Variants in ANKS1B observed in about 807,000 individuals in gnomAD.
The protein encoded by ANKS1B is ankyrin repeat and sterile alpha motif domain containing 1B.
ANKS1B carries 36 observed loss-of-function variants against 148.3 expected under a neutral mutation model. The observed-to-expected ratio is 0.24, with a 90% CI of 0.19 to 0.32. The LOEUF is 0.32. Ranked by LOEUF, ANKS1B falls within the 10% of genes least tolerant of loss-of-function variation. ANKS1B has a pLI of 1.00. For synonymous variants in ANKS1B, 542 were observed against 560.8 expected, an observed-to-expected ratio of 0.97 and a Z score of 0.47; for missense variants, 1,157 against 1,542.6, an observed-to-expected ratio of 0.75 and a Z score of 4.19.
At chr12:98,936,930 G>A (rs569535233) in intron 17 of ANKS1B, among the ~76,000 whole-genome samples, 3 of 152,336 alleles carry the variant, frequency 2.0e-5, no homozygotes, top group Non-Finnish European at 2.9e-5. Flanking sequence ...AATGCTGGCC[G>A]TGGCCTTAGT....
chr12:98,894,267 C>T lies in ANKS1B; in HGVS notation c.2779-62131G>A, dbSNP rs151229416. Among the ~76,000 whole-genome samples the T allele has an allele frequency of 8.9e-3, 1,356 of 152,184 alleles. 19 individuals are homozygous for T. Among genetic ancestry groups the T allele is most frequent in the African/African-American group, 0.031 (1,287 of 41,512 alleles). ...ATGGCTTTTTAATATTAAAGACAAA[C>T]GACCTTTGGAAAATATACACTGTTA... On this transcript the variant is annotated intron_variant, in intron 17 of 26. Coordinates refer to ENST00000683438, the MANE Select transcript of ANKS1B (RefSeq NM_001352186.2).
intron 8 of ANKS1B, among the ~76,000 whole-genome samples, chr12:99,749,226 C>T (rs2060879063): frequency 6.6e-6 from 1 of 152,084 alleles, no homozygotes; most frequent in African/African-American, 2.4e-5. Context: ...TCTTTGACAA[C>T]TGAGATTGGC....
chr12:99,281,662 C>T (rs2078476580), intron 12 of ANKS1B, among the ~76,000 whole-genome samples: 1 of 152,090 alleles, frequency 6.6e-6, no homozygotes. Flanking sequence ...AACTTCATGA[C>T]TGTGAAAAAA....
intron 12 of ANKS1B, among the ~76,000 whole-genome samples, chr12:99,391,426 G>A (rs577529975): frequency 3.9e-5 from 6 of 152,024 alleles, no homozygotes; most frequent in Non-Finnish European, 8.8e-5. Context: ...CTACCACAGG[G>A]ATTTTTTTAA....
intron 17 of ANKS1B, among the ~76,000 whole-genome samples, chr12:98,842,271 T>C (rs887188189): frequency 2.6e-5 from 4 of 152,156 alleles, no homozygotes; most frequent in Admixed American, 2.6e-4. Flanking sequence ...TGATACAGGC[T>C]ATAGCATCAA....
At chr12:99,693,917 A>C (rs2053511224) in intron 8 of ANKS1B, among the ~76,000 whole-genome samples, 1 of 151,004 alleles carries the variant, frequency 6.6e-6, no homozygotes, top group South Asian at 2.1e-4. Context: ...AGTAGCTAGG[A>C]CTACAGATGC....
intron 8 of ANKS1B, among the ~76,000 whole-genome samples, chr12:99,719,501 A>G (rs2057834221): frequency 6.6e-6 from 1 of 152,108 alleles, no homozygotes; most frequent in African/African-American, 2.4e-5. Flanking sequence ...ACCAGGCCTA[A>G]TCGCCACTCA....
chr12:98,962,178 C>T (rs11832036), intron 17 of ANKS1B, among the ~76,000 whole-genome samples: 3,188 of 151,268 alleles, frequency 0.021, 115 homozygotes, highest in African/African-American at 0.073. Flanking sequence ...AATCTGTTGC[C>T]TACAAGAAAC....
intron 25 of ANKS1B, among the ~76,000 whole-genome samples, chr12:98,772,467 AC>A (rs1385968440): frequency 6.6e-6 from 1 of 152,184 alleles, no homozygotes; most frequent in Non-Finnish European, 1.5e-5. Flanking sequence ...TAATTGGCTC[AC>A]AGTTCCACAT....
chr12:99,166,235 T>C (rs959811308), intron 14 of ANKS1B, among the ~76,000 whole-genome samples: 1 of 151,572 alleles, frequency 6.6e-6, no homozygotes, highest in South Asian at 2.1e-4. Flanking sequence ...TTCTCAACAC[T>C]TCTACCCAAC....
Position 99,602,042 on chromosome 12 carries a change from G to T in ANKS1B, c.1272+53025C>A, listed in dbSNP as rs1430239688. ...CTGGCTTTAGGGGAGAGGGTTTCTA[G>T]TTTCTATGGCCTGCCTTGGGAGAGA... On this transcript the variant is annotated intron_variant, in intron 9 of 26. Transcript: ENST00000683438. Among the ~76,000 whole-genome samples, 3 of 152,126 alleles carry T rather than the reference G, an allele frequency of 2.0e-5. No homozygotes were observed. The East Asian group carries it at 5.8e-4, about 29-fold the overall frequency.
exon 10 of ANKS1B, chr12:98,735,629 A>G (rs1484789376): frequency 9.1e-6 from 7 of 769,176 alleles, no homozygotes; most frequent in Non-Finnish European, 1.2e-5. Context: ...TGGCATGAAG[A>G]AGATCCTGTA....
chr12:98,849,722 C>G (rs1332657322), intron 17 of ANKS1B, among the ~76,000 whole-genome samples: 1 of 151,860 alleles, frequency 6.6e-6, no homozygotes. Flanking sequence ...AATCTCTAGT[C>G]AAGTAGAAGC....
chr12:99,850,220 CA>C (rs889893918), intron 1 of ANKS1B, among the ~76,000 whole-genome samples: 8 of 149,468 alleles, frequency 5.4e-5, no homozygotes, highest in Non-Finnish European at 8.9e-5. Flanking sequence ...TGATGTGATT[CA>C]AAACATGTTA....
intron 9 of ANKS1B, among the ~76,000 whole-genome samples, chr12:99,582,233 C>CAA (rs2097577767): frequency 6.6e-6 from 1 of 151,856 alleles, no homozygotes; most frequent in African/African-American, 2.4e-5. Flanking sequence ...CCAGAACTCT[C>CAA]AGACATTCCT....
At chr12:99,769,002 G>T (rs1198910610) in intron 8 of ANKS1B, among the ~76,000 whole-genome samples, 1 of 134,504 alleles carries the variant, frequency 7.4e-6, no homozygotes, top group East Asian at 2.4e-4. Flanking sequence ...AGAACTGTGA[G>T]AAATAAATGC....
chr12:99,045,248 C>T (rs971068571), intron 17 of ANKS1B, among the ~76,000 whole-genome samples: 3 of 152,168 alleles, frequency 2.0e-5, no homozygotes, highest in African/African-American at 7.2e-5. Context: ...CCCTCAGGTT[C>T]TATGGAGGCA....
intron 25 of ANKS1B, among the ~76,000 whole-genome samples, chr12:98,768,398 CAGA>C (rs1224182578): frequency 7.8e-6 from 1 of 127,558 alleles, no homozygotes; most frequent in Non-Finnish European, 1.6e-5. Flanking sequence ...ATGTGTTCTG[CAGA>C]AGGCCACCCC....
chr12:99,403,078 A>G (rs1310600089), intron 11 of ANKS1B, among the ~76,000 whole-genome samples: 1 of 141,796 alleles, frequency 7.1e-6, no homozygotes, highest in East Asian at 2.0e-4. Context: ...TCAATGATGT[A>G]GCACTTTTTT....
Sources: allele counts gnomAD v4.1 joint callset (sites outside exome capture counted in the v4.1 genomes callset), GRCh38; gene constraint gnomAD v4.1.1; transcripts MANE v1.5; gene names NCBI Gene and HGNC (gene_info 2026-07-23, HGNC 2026-07-21).